The following MIPOL1 variants were observed in gnomAD, a reference collection of about 807,000 sequenced individuals.
MIPOL1 encodes mirror-image polydactyly 1, also known as mirror-image polydactyly gene 1 protein.
Under a neutral mutation model 60.9 loss-of-function variants are expected in MIPOL1, and 57 were observed. The ratio of observed to expected loss-of-function variants is 0.94; its 90% CI spans 0.76 to 1.17. The LOEUF (loss-of-function observed/expected upper bound fraction) is 1.17, where lower values mean the gene tolerates loss of function less well. Ranked by LOEUF, MIPOL1 falls within the 50% of genes most tolerant of loss-of-function variation. The probability of loss-of-function intolerance (pLI) is 0.00; values close to 1 mark genes in which losing one functional copy is unlikely to be tolerated. For missense variants in MIPOL1, 551 were observed against 511.6 expected (o/e 1.08, Z -0.74); for synonymous variants, 179 against 168.8 (o/e 1.06, Z -0.47).
At chr14:37,420,345 C>T (rs1295146006) in intron 10 of MIPOL1, among the ~76,000 whole-genome samples, 2 of 151,974 alleles carry the variant, frequency 1.3e-5, no homozygotes, top group Non-Finnish European at 2.9e-5. Flanking sequence ...TTGTTTAATG[C>T]ATGCATTTAT....
chr14:37,270,784 G>T (rs1457538749), intron 6 of MIPOL1, among the ~76,000 whole-genome samples: 1 of 151,314 alleles, frequency 6.6e-6, no homozygotes, highest in East Asian at 1.9e-4. Context: ...ATCACAAAAA[G>T]GTTGTTTGTT....
intron 9 of MIPOL1, among the ~76,000 whole-genome samples, chr14:37,311,446 T>C (rs2087313388): frequency 6.6e-6 from 1 of 152,194 alleles, no homozygotes; most frequent in South Asian, 2.1e-4. Context: ...TTGTTATGTA[T>C]AAATACCACC....
At chr14:37,348,259 CTT>C (rs2091087448) in intron 9 of MIPOL1, among the ~76,000 whole-genome samples, 1 of 152,058 alleles carries the variant, frequency 6.6e-6, no homozygotes, top group South Asian at 2.1e-4. Context: ...TCTAAATTAA[CTT>C]TTAAAAACTG....
intron 12 of MIPOL1, among the ~76,000 whole-genome samples, chr14:37,538,468 G>A (rs1226234185): frequency 6.6e-6 from 1 of 152,098 alleles, no homozygotes; most frequent in African/African-American, 2.4e-5. Context: ...ACAAAAAAAA[G>A]TGATAGCAAA....
At chr14:37,536,512 G>A (rs774026552) in intron 12 of MIPOL1, among the ~76,000 whole-genome samples, 3 of 152,058 alleles carry the variant, frequency 2.0e-5, no homozygotes, top group Non-Finnish European at 2.9e-5. Flanking sequence ...ATAAAGTTCA[G>A]GGCAAGTGCT....
intron 12 of MIPOL1, among the ~76,000 whole-genome samples, chr14:37,537,220 A>G (rs2095510111): frequency 6.6e-6 from 1 of 152,166 alleles, no homozygotes; most frequent in Admixed American, 6.5e-5. Flanking sequence ...AAAGATCTTA[A>G]TATGAAGATT....
chr14:37,394,057 C>CAATAT (rs2093316097), intron 10 of MIPOL1, among the ~76,000 whole-genome samples: 1 of 73,310 alleles, frequency 1.4e-5, no homozygotes, highest in Non-Finnish European at 2.7e-5. Flanking sequence ...TTAGTAGTGG[C>CAATAT]ATATATATAT....
At chr14:37,445,963 A>G (rs1272485697) in intron 11 of MIPOL1, among the ~76,000 whole-genome samples, 2 of 152,306 alleles carry the variant, frequency 1.3e-5, no homozygotes, top group African/African-American at 2.4e-5. Flanking sequence ...CTAAAACCAT[A>G]AAAACCCTAG....
intron 11 of MIPOL1, among the ~76,000 whole-genome samples, chr14:37,478,502 A>G (rs754683597): frequency 1.3e-5 from 2 of 152,198 alleles, no homozygotes; most frequent in Non-Finnish European, 2.9e-5. Flanking sequence ...ATAGCAAGAG[A>G]TACCACAAAG....
intron 1 of MIPOL1, among the ~76,000 whole-genome samples, chr14:37,199,909 C>G (rs569964806): frequency 6.6e-6 from 1 of 152,312 alleles, no homozygotes; most frequent in East Asian, 1.9e-4. Flanking sequence ...GTATACACTA[C>G]TGAAAAGTTT....
chr14:37,488,847 C>A (rs935203768), intron 11 of MIPOL1, among the ~76,000 whole-genome samples: 2 of 152,072 alleles, frequency 1.3e-5, no homozygotes, highest in Non-Finnish European at 2.9e-5. Context: ...GTAACCTGAC[C>A]TTTCTCTCTG....
chr14:37,361,319 A>C (rs534291024), intron 9 of MIPOL1, among the ~76,000 whole-genome samples: 1 of 152,324 alleles, frequency 6.6e-6, no homozygotes, highest in East Asian at 1.9e-4. Flanking sequence ...AGAGTTCTGT[A>C]GATGTCTATT....
rs111907090 is a variant in MIPOL1 at position 37,316,852 on chromosome 14, C to T, written c.828+8333C>T. Among the ~76,000 whole-genome samples, 257 of 152,116 alleles carry T rather than the reference C, an allele frequency of 1.7e-3. 1 individual carries two copies. Among genetic ancestry groups the T allele is most frequent in the African/African-American group, 5.8e-3 (241 of 41,512 alleles). On this transcript the variant is annotated intron_variant, in intron 9 of 12. Coordinates refer to ENST00000684589, the MANE Select transcript of MIPOL1 (RefSeq NM_001388067.1). The stretch of plus-strand genomic sequence containing the variant: ...AATTAGCTGGGCGCAGTGGCAGGCA[C>T]CTATAATCCCAGCTACTTGGGAGGC...
intron 6 of MIPOL1, among the ~76,000 whole-genome samples, chr14:37,271,532 A>G (rs1019268544): frequency 1.3e-5 from 2 of 151,944 alleles, no homozygotes; most frequent in African/African-American, 2.4e-5. Flanking sequence ...AAAGATGACC[A>G]TAAATAAATA....
intron 10 of MIPOL1, among the ~76,000 whole-genome samples, chr14:37,382,226 T>C (rs530145856): frequency 2.0e-5 from 3 of 152,164 alleles, no homozygotes; most frequent in Admixed American, 2.0e-4. Context: ...TATATTAAAT[T>C]CTTTGATGAA....
intron 1 of MIPOL1, among the ~76,000 whole-genome samples, chr14:37,228,797 G>A (rs1970177927): frequency 6.6e-6 from 1 of 152,132 alleles, no homozygotes; most frequent in African/African-American, 2.4e-5. Flanking sequence ...AAGAAATACT[G>A]AAAACAATTT....
rs550382521 is a variant in MIPOL1 at position 37,248,468 on chromosome 14, GA to G, written c.19+569del. On this transcript the variant is annotated intron_variant, in intron 3 of 12. Coordinates refer to ENST00000684589, the MANE Select transcript of MIPOL1 (RefSeq NM_001388067.1). ...AGACAGATGTATAGTGAGGGACAGAGAAAAAAAAGAGACACATTGAGAGTGA... is the reference window on the plus strand; with the variant it reads ...AGACAGATGTATAGTGAGGGACAGAGAAAAAAAGAGACACATTGAGAGTGA... Among the ~76,000 whole-genome samples, 58 of 151,414 alleles carry G rather than the reference GA, an allele frequency of 3.8e-4. No individual in the cohort carries two copies. The East Asian group carries it at 4.5e-3, about 12-fold the overall frequency.
chr14:37,277,051 A>T (rs2083715741), intron 6 of MIPOL1: 1 of 151,170 alleles, frequency 6.6e-6, no homozygotes, highest in Non-Finnish European at 1.5e-5. Context: ...AAAAGCAATA[A>T]AATTGGAGTA....
intron 3 of MIPOL1, among the ~76,000 whole-genome samples, chr14:37,248,211 C>A (rs538553549): frequency 3.2e-4 from 49 of 151,710 alleles, no homozygotes; most frequent in African/African-American, 1.1e-3. Flanking sequence ...CGCCTACATA[C>A]AAAGAGACAG....
Sources: gnomAD v4.1 joint callset for allele counts (sites outside exome capture counted in the v4.1 genomes callset) on GRCh38, gnomAD v4.1.1 for gene constraint, MANE v1.5 for transcripts, NCBI Gene and HGNC (gene_info 2026-07-23, HGNC 2026-07-21) for gene names.